Variants in INSYN2B observed in about 807,000 individuals in gnomAD.
INSYN2B encodes inhibitory synaptic factor family member 2B.
A neutral mutation model predicts 41.2 loss-of-function variants in INSYN2B; 16 were observed. The ratio of observed to expected loss-of-function variants is 0.39; its 90% confidence interval spans 0.26 to 0.59. INSYN2B has a LOEUF of 0.59. Among genes scored for constraint, INSYN2B ranks in the 20% least tolerant of loss-of-function variants. INSYN2B has a pLI of 0.57. For synonymous variants in INSYN2B, 245 were observed against 244.4 expected, an observed-to-expected ratio of 1.00 and a Z score of -0.02; for missense variants, 608 against 646.4, an observed-to-expected ratio of 0.94 and a Z score of 0.64.
At chr5:169,934,650 A>G in intron 1 of INSYN2B, 1 of 456,176 alleles carries the variant, frequency 2.2e-6, no homozygotes, top group South Asian at 1.5e-5. Context: ...CTTCCTTTCT[A>G]GGATGCAGCT....
At chr5:169,930,808 T>C (rs1435206729) in intron 1 of INSYN2B, among the ~76,000 whole-genome samples, 1 of 152,194 alleles carries the variant, frequency 6.6e-6, no homozygotes, top group African/African-American at 2.4e-5. Flanking sequence ...TCTCTCTTGG[T>C]TTCTTTTCTT....
chr5:169,921,112 G>A (rs1399849683), intron 1 of INSYN2B, among the ~76,000 whole-genome samples: 1 of 152,194 alleles, frequency 6.6e-6, no homozygotes, highest in Non-Finnish European at 1.5e-5. Context: ...TAAGGGAAAA[G>A]CACGTAGGGT....
intron 1 of INSYN2B, among the ~76,000 whole-genome samples, chr5:169,961,556 G>C (rs1777085921): frequency 6.6e-6 from 1 of 152,196 alleles, no homozygotes; most frequent in Non-Finnish European, 1.5e-5. Flanking sequence ...GGACTAAGCA[G>C]ACATTTCTCT....
chr5:169,930,283 C>T (rs1399362780), intron 1 of INSYN2B, among the ~76,000 whole-genome samples: 3 of 152,188 alleles, frequency 2.0e-5, no homozygotes, highest in Non-Finnish European at 4.4e-5. Flanking sequence ...AGCCACCGCA[C>T]CTGGCCTAAT....
Position 169,864,451 on chromosome 5 carries a change from T to C in INSYN2B, c.1430A>G (p.Tyr477Cys), listed in dbSNP as rs1482837323. 6.5e-7 allele frequency: 1 copy of C among 1,536,906 alleles called. No individual in the cohort carries two copies. The highest frequency in any genetic ancestry group is 8.8e-7 in the Non-Finnish European group (1 of 1,140,418). Residue 477 changes from tyrosine to cysteine, a missense_variant, in exon 4 of 4, where the codon TAT becomes TGT. Tyr to Cys is a radical substitution (Grantham distance 194). Coordinates refer to ENST00000377365, the MANE Select transcript of INSYN2B (RefSeq NM_001129891.3). ...CCTGCCTTCCTGCTGCCGAAAATCA[T>C]ACTCTACACTGAAAAACACAGAGAG... ...NTACIIYSVE[Y>C]DFRQQEGRFH...
chr5:169,902,361 C>T (rs181354030), intron 1 of INSYN2B, among the ~76,000 whole-genome samples: 2 of 152,320 alleles, frequency 1.3e-5, no homozygotes, highest in Admixed American at 6.5e-5. Context: ...CAGTGAGCCA[C>T]ATTTTAGAAA....
intron 1 of INSYN2B, among the ~76,000 whole-genome samples, chr5:169,964,163 G>A (rs991160437): frequency 2.0e-5 from 3 of 152,104 alleles, no homozygotes; most frequent in African/African-American, 7.2e-5. Context: ...GCAGATTTGG[G>A]GGAACTCATC....
chr5:169,906,220 G>A (rs1009849208), intron 1 of INSYN2B, among the ~76,000 whole-genome samples: 47 of 152,120 alleles, frequency 3.1e-4, no homozygotes, highest in African/African-American at 1.1e-3. Context: ...TCTTTCTGAC[G>A]TCAAACGCAA....
At chr5:169,948,693 A>C (rs1197880343) in intron 1 of INSYN2B, among the ~76,000 whole-genome samples, 1 of 149,508 alleles carries the variant, frequency 6.7e-6, no homozygotes, top group Non-Finnish European at 1.5e-5. Context: ...GGCTCACTGC[A>C]GTCTGGAACT....
intron 1 of INSYN2B, among the ~76,000 whole-genome samples, chr5:169,938,725 T>A (rs259907): frequency 0.06 from 9,117 of 152,188 alleles, 633 homozygotes; most frequent in African/African-American, 0.17. Context: ...ATTAAAAATA[T>A]TTTTTCTTCA....
At chr5:169,942,392 A>G (rs547463336) in intron 1 of INSYN2B, among the ~76,000 whole-genome samples, 2 of 152,314 alleles carry the variant, frequency 1.3e-5, no homozygotes, top group Non-Finnish European at 2.9e-5. Flanking sequence ...CAGAAACACA[A>G]GTTTGTGGAG....
chr5:169,942,716 C>T (rs1453286193), intron 1 of INSYN2B, among the ~76,000 whole-genome samples: 1 of 152,104 alleles, frequency 6.6e-6, no homozygotes, highest in Non-Finnish European at 1.5e-5. Flanking sequence ...CAGCTCCTGC[C>T]CTCCACATTG....
intron 1 of INSYN2B, among the ~76,000 whole-genome samples, chr5:169,908,330 G>A (rs1774404646): frequency 6.6e-6 from 1 of 151,916 alleles, no homozygotes; most frequent in Non-Finnish European, 1.5e-5. Context: ...CGATTCTTGT[G>A]TTATTTGCAA....
chr5:169,940,263 C>G (rs1192096424), intron 1 of INSYN2B, among the ~76,000 whole-genome samples: 1 of 152,340 alleles, frequency 6.6e-6, no homozygotes, highest in African/African-American at 2.4e-5. Context: ...GTGCCAGACT[C>G]TGATCACTCT....
intron 1 of INSYN2B, among the ~76,000 whole-genome samples, chr5:169,945,035 G>A (rs1001655718): frequency 6.6e-6 from 1 of 152,204 alleles, no homozygotes; most frequent in African/African-American, 2.4e-5. Context: ...CTTCAGAGGT[G>A]TCTTCTTAGC....
At chr5:169,903,323 A>C (rs895554980) in intron 1 of INSYN2B, among the ~76,000 whole-genome samples, 7 of 151,688 alleles carry the variant, frequency 4.6e-5, no homozygotes, top group Admixed American at 4.6e-4. Context: ...AAAAAAAAAA[A>C]AAAAAAGGAA....
At chr5:169,878,443 GT>G (rs1772453269) in intron 3 of INSYN2B, among the ~76,000 whole-genome samples, 1 of 152,188 alleles carries the variant, frequency 6.6e-6, no homozygotes, top group Non-Finnish European at 1.5e-5. Flanking sequence ...AAAAGGACTA[GT>G]TTTAGAAGTT....
At chr5:169,903,492 A>C (rs576546311) in intron 1 of INSYN2B, among the ~76,000 whole-genome samples, 1 of 135,982 alleles carries the variant, frequency 7.4e-6, no homozygotes, top group Admixed American at 7.4e-5. Flanking sequence ...AGGGTTGTCT[A>C]TTGTGAGCTT....
intron 1 of INSYN2B, among the ~76,000 whole-genome samples, chr5:169,950,408 C>T (rs1156440641): frequency 1.3e-5 from 2 of 152,184 alleles, no homozygotes; most frequent in African/African-American, 2.4e-5. Context: ...GCATAACAGT[C>T]TTTTTGGACT....
Sources: gnomAD v4.1 joint callset for allele counts (sites outside exome capture counted in the v4.1 genomes callset) on GRCh38, gnomAD v4.1.1 for gene constraint, MANE v1.5 for transcripts, NCBI Gene and HGNC (gene_info 2026-07-23, HGNC 2026-07-21) for gene names.